Variants in OSBPL2 observed in about 807,000 individuals in gnomAD.
OSBPL2 encodes oxysterol-binding protein-related protein 2.
A neutral mutation model predicts 58.4 loss-of-function variants in OSBPL2; 18 were observed. The ratio of observed to expected loss-of-function variants is 0.31; its 90% CI spans 0.21 to 0.46. The LOEUF (loss-of-function observed/expected upper bound fraction) is 0.46, where lower values mean the gene tolerates loss of function less well. Among genes scored for constraint, OSBPL2 ranks in the 20% least tolerant of loss-of-function variants. OSBPL2 has a pLI of 1.00. For missense variants in OSBPL2, 461 were observed against 616.5 expected (o/e 0.75, Z 2.67); for synonymous variants, 221 against 234.1 (o/e 0.94, Z 0.51).
At chr20:62,250,606 A>G (rs1485251094) in intron 1 of OSBPL2, among the ~76,000 whole-genome samples, 1 of 152,186 alleles carries the variant, frequency 6.6e-6, no homozygotes, top group African/African-American at 2.4e-5. Flanking sequence ...GACTTTTGTT[A>G]TAGGCAGGGG....
intron 2 of OSBPL2, chr20:62,259,132 G>A (rs558140256): frequency 6.6e-6 from 1 of 152,486 alleles, no homozygotes; most frequent in African/African-American, 2.4e-5. Flanking sequence ...GCACTGGGTG[G>A]TTGCCGGCTG....
chr20:62,279,654 A>G (rs993028095), intron 7 of OSBPL2: 10 of 424,482 alleles, frequency 2.4e-5, no homozygotes, highest in Non-Finnish European at 3.9e-5. Flanking sequence ...GGCATCATTC[A>G]TTGTATTTCT....
chr20:62,242,815 G>T (rs1200819292), intron 1 of OSBPL2, among the ~76,000 whole-genome samples: 4 of 152,228 alleles, frequency 2.6e-5, no homozygotes, highest in African/African-American at 9.6e-5. Flanking sequence ...CTTCAGGGGT[G>T]CCCAGAGAGC....
chr20:62,260,246 G>A (rs932565042), intron 3 of OSBPL2, 121 bp downstream of exon 3: 3 of 920,730 alleles, frequency 3.3e-6, no homozygotes, highest in African/African-American at 1.7e-5. Flanking sequence ...CAGCTGTCTG[G>A]CCTCCCCATC....
chr20:62,259,682 G>T (rs1475840288), intron 2 of OSBPL2, among the ~76,000 whole-genome samples: 1 of 152,124 alleles, frequency 6.6e-6, no homozygotes, highest in Non-Finnish European at 1.5e-5. Flanking sequence ...ATGATGAAAG[G>T]GTTCCTTCTG....
chr20:62,248,931 T>C (rs1323096178), intron 1 of OSBPL2, among the ~76,000 whole-genome samples: 1 of 152,132 alleles, frequency 6.6e-6, no homozygotes, highest in Non-Finnish European at 1.5e-5. Context: ...ACTCCTGGGC[T>C]CAAGCCATCT....
chr20:62,256,266 C>T (rs760135919), intron 2 of OSBPL2, 45 bp downstream of exon 2: 64 of 1,570,546 alleles, frequency 4.1e-5, no homozygotes, highest in Admixed American at 6.7e-5. Flanking sequence ...GAAGGGTGAA[C>T]GTCCCTGGAT....
intron 6 of OSBPL2, among the ~76,000 whole-genome samples, chr20:62,277,491 G>A (rs1049342677): frequency 7.2e-5 from 11 of 152,210 alleles, no homozygotes; most frequent in Admixed American, 6.5e-5. Context: ...CTTCCAGATC[G>A]TCCTTGCCAG....
chr20:62,277,664 A>G (rs758468573), intron 6 of OSBPL2, among the ~76,000 whole-genome samples: 7 of 152,258 alleles, frequency 4.6e-5, no homozygotes, highest in Non-Finnish European at 8.8e-5. Flanking sequence ...TTTGTAAATT[A>G]CATACCTTGG....
chr20:62,293,676 G>A lies in OSBPL2; in HGVS notation c.1341-109G>A, dbSNP rs368415712. 51 of 902,108 alleles carry A rather than the reference G, an allele frequency of 5.7e-5. 1 individual carries two copies. Among genetic ancestry groups the A allele is most frequent in the Admixed American group, 6.6e-5 (2 of 30,530 alleles). The allele number at this position is 902,108 out of a possible 1,614,324, so 55.9% of individuals were successfully genotyped here. Reference sequence around the variant, plus strand: ...CGCTGGGCTGCATTTTAAAACCCACGTTACCGTGATGGTGCTGAGTTGGGG... The same window carrying A: ...CGCTGGGCTGCATTTTAAAACCCACATTACCGTGATGGTGCTGAGTTGGGG... On this transcript the variant is annotated intron_variant, in intron 13 of 13. Coordinates refer to ENST00000313733, the MANE Select transcript of OSBPL2 (RefSeq NM_144498.4).
At chr20:62,262,095 C>G (rs1357409349) in intron 3 of OSBPL2, among the ~76,000 whole-genome samples, 1 of 126,006 alleles carries the variant, frequency 7.9e-6, no homozygotes, top group African/African-American at 2.9e-5. Context: ...CCCCCCCCCA[C>G]CCCGTCACCC....
At chr20:62,281,919 C>T (rs1410193783) in intron 9 of OSBPL2, 40 bp downstream of exon 9, 6 of 1,385,802 alleles carry the variant, frequency 4.3e-6, no homozygotes, top group Non-Finnish European at 6.2e-6. Flanking sequence ...CCACTACAGC[C>T]TGTGTGTCCA....
intron 3 of OSBPL2, among the ~76,000 whole-genome samples, chr20:62,261,884 G>A (rs143949268): frequency 0.024 from 3,685 of 152,198 alleles, 149 homozygotes; most frequent in African/African-American, 0.081. Flanking sequence ...TCAGCCTCCC[G>A]AGTTGCTGGG....
At chr20:62,254,619 C>T (rs749015084) in intron 1 of OSBPL2, among the ~76,000 whole-genome samples, 3 of 152,228 alleles carry the variant, frequency 2.0e-5, no homozygotes, top group East Asian at 1.9e-4. Flanking sequence ...GGCAGGGCTG[C>T]GGGATGAGCC....
intron 4 of OSBPL2, among the ~76,000 whole-genome samples, chr20:62,268,687 A>G (rs1465540482): frequency 6.6e-6 from 1 of 151,834 alleles, no homozygotes; most frequent in Non-Finnish European, 1.5e-5. Flanking sequence ...GTAACCTCAA[A>G]CTCCTGGGCT....
chr20:62,240,257 C>A (rs118009262), intron 1 of OSBPL2, among the ~76,000 whole-genome samples: 1 of 152,190 alleles, frequency 6.6e-6, no homozygotes, highest in Non-Finnish European at 1.5e-5. Context: ...GCACTTCCTC[C>A]CTGCCCAGCC....
intron 1 of OSBPL2, among the ~76,000 whole-genome samples, chr20:62,255,780 C>G (rs564362848): frequency 1.1e-4 from 16 of 152,354 alleles, no homozygotes; most frequent in African/African-American, 3.4e-4. Context: ...GCTGGGATTA[C>G]AGGCGTGAGC....
intron 1 of OSBPL2, among the ~76,000 whole-genome samples, chr20:62,255,759 C>T (rs1980881253): frequency 1.3e-5 from 2 of 151,984 alleles, no homozygotes; most frequent in Non-Finnish European, 2.9e-5. Flanking sequence ...CCCACCTCAG[C>T]CTCCCAAAGT....
intron 1 of OSBPL2, among the ~76,000 whole-genome samples, chr20:62,248,397 C>G (rs1321363556): frequency 6.6e-6 from 1 of 152,064 alleles, no homozygotes; most frequent in Non-Finnish European, 1.5e-5. Flanking sequence ...CTCAGGTGAT[C>G]CGTCCACCTC....
Sources: gnomAD v4.1 joint callset for allele counts (sites outside exome capture counted in the v4.1 genomes callset) on GRCh38, gnomAD v4.1.1 for gene constraint, MANE v1.5 for transcripts, NCBI Gene and HGNC (gene_info 2026-07-23, HGNC 2026-07-21) for gene names.